Variants in ANKRD30A observed in about 807,000 individuals in gnomAD.
The protein encoded by ANKRD30A is ankyrin repeat domain-containing protein 30A.
Under a neutral mutation model 166.3 loss-of-function variants are expected in ANKRD30A, and 170 were observed. That is an observed-to-expected ratio of 1.02 (90% CI 0.90 to 1.16). ANKRD30A has a LOEUF of 1.16. ANKRD30A is among the 50% of genes most tolerant of loss of function. ANKRD30A has a pLI of 0.00. For missense variants in ANKRD30A, 1,630 were observed against 1,518.0 expected, an observed-to-expected ratio of 1.07 and a Z score of -1.23; for synonymous variants, 564 against 508.9, an observed-to-expected ratio of 1.11 and a Z score of -1.46.
At chr10:37,250,219 A>T in the ANKRD30A span, among the ~76,000 whole-genome samples, 1 of 152,150 alleles carries the variant, frequency 6.6e-6, no homozygotes, top group South Asian at 2.1e-4. Flanking sequence ...GGTAGAGCTT[A>T]TATAATAAAA....
intron 34 of ANKRD30A, 69 bp downstream of exon 34, chr10:37,219,966 G>A (rs1452894126): frequency 1.8e-6 from 2 of 1,097,644 alleles, no homozygotes; most frequent in Non-Finnish European, 1.2e-6. Context: ...ATTTGGCCTT[G>A]GCTAAATGCT....
chr10:37,198,740 GT>G, intron 29 of ANKRD30A, among the ~76,000 whole-genome samples: 1 of 152,084 alleles, frequency 6.6e-6, no homozygotes, highest in Non-Finnish European at 1.5e-5. Flanking sequence ...GTGATCACAA[GT>G]TAAATTTACT....
At chr10:37,250,123 T>C in the ANKRD30A span, among the ~76,000 whole-genome samples, 1 of 152,194 alleles carries the variant, frequency 6.6e-6, no homozygotes, top group African/African-American at 2.4e-5. Flanking sequence ...TCTTGCCCTC[T>C]GGGAGCTTGC....
At position 37,144,994 on chromosome 10, in the gene ANKRD30A, G is replaced by C; in HGVS notation, c.1394-1G>C. On this transcript the variant is annotated splice_acceptor_variant, in intron 7 of 35. Coordinates refer to ENST00000361713, the MANE Select transcript of ANKRD30A (RefSeq NM_052997.3). LOFTEE classifies it high-confidence loss of function. ...ATATATCTGTGATTAACTTTTTATA[G>C]ATCAGAGGTTCCCATCAGAATCCAA... The C allele has an allele frequency of 6.3e-7, 1 of 1,592,058 alleles. No homozygotes were observed. The highest frequency in any genetic ancestry group is 2.3e-5 in the East Asian group (1 of 44,376).
chr10:37,196,329 GT>G (rs1841103614), intron 27 of ANKRD30A, among the ~76,000 whole-genome samples: 1 of 151,908 alleles, frequency 6.6e-6, no homozygotes, highest in Non-Finnish European at 1.5e-5. Flanking sequence ...AGGTTTTTCT[GT>G]TACAATGAGG....
At chr10:37,233,286 G>A (rs548837764), downstream of ANKRD30A, among the ~76,000 whole-genome samples, 8 of 152,168 alleles carry the variant, frequency 5.3e-5, no homozygotes, top group African/African-American at 1.7e-4. Flanking sequence ...AGAGTGATAT[G>A]GTCAGGGTCT....
chr10:37,165,587 C>A (rs1451618031), intron 18 of ANKRD30A, among the ~76,000 whole-genome samples: 2 of 151,800 alleles, frequency 1.3e-5, no homozygotes, highest in African/African-American at 4.8e-5. Flanking sequence ...AAATTTAATG[C>A]CTGGGACTTG....
intron 25 of ANKRD30A, among the ~76,000 whole-genome samples, chr10:37,191,679 C>A (rs1013314111): frequency 6.6e-6 from 1 of 151,856 alleles, no homozygotes; most frequent in Non-Finnish European, 1.5e-5. Flanking sequence ...TTTTGTTCAG[C>A]GATTAGCTTG....
At chr10:37,258,611 A>G in the ANKRD30A span, among the ~76,000 whole-genome samples, 5 of 151,710 alleles carry the variant, frequency 3.3e-5, no homozygotes, top group Admixed American at 2.0e-4. Flanking sequence ...ACAAAGGTCA[A>G]TCGTAGGTGG....
chr10:37,205,371 T>C (rs1236340183), intron 31 of ANKRD30A, among the ~76,000 whole-genome samples: 1 of 150,722 alleles, frequency 6.6e-6, no homozygotes, highest in Non-Finnish European at 1.5e-5. Flanking sequence ...ACATCACATG[T>C]TCTCACCCAT....
chr10:37,143,648 C>T (rs1837307317), intron 7 of ANKRD30A, among the ~76,000 whole-genome samples: 1 of 150,344 alleles, frequency 6.7e-6, no homozygotes. Flanking sequence ...AGCAACATTC[C>T]ATCTAAAAAA....
At chr10:37,235,453 T>C (rs1242421718), downstream of ANKRD30A, among the ~76,000 whole-genome samples, 2 of 152,216 alleles carry the variant, frequency 1.3e-5, no homozygotes, top group Non-Finnish European at 2.9e-5. Context: ...TATTTGATTA[T>C]GCTACATGGG....
At chr10:37,192,067 C>T (rs1249559061) in intron 25 of ANKRD30A, among the ~76,000 whole-genome samples, 10 of 152,104 alleles carry the variant, frequency 6.6e-5, no homozygotes, top group Admixed American at 1.3e-4. Flanking sequence ...GACAGAGTCT[C>T]GCTCTGTCAT....
At chr10:37,249,916 G>A in the ANKRD30A span, among the ~76,000 whole-genome samples, 152 of 152,340 alleles carry the variant, frequency 1.0e-3, no homozygotes, top group African/African-American at 3.4e-3. Context: ...AAGGTGAGTA[G>A]TAGAAGGAAA....
At position 37,134,034 on chromosome 10, in the gene ANKRD30A, GTTAC is replaced by G. The variant is rs767256132; in HGVS notation, c.739_742del (p.Thr247ValfsTer149). On this transcript the variant is annotated frameshift_variant, in exon 5 of 36. Coordinates refer to ENST00000361713, the MANE Select transcript of ANKRD30A (RefSeq NM_052997.3). LOFTEE classifies it high-confidence loss of function. ...TGGAGTAACTGCAGAACATTATGCTGTTACTTGTGGATTTCATCAGTAAGTGTTT... is the reference window on the plus strand; with the variant it reads ...TGGAGTAACTGCAGAACATTATGCTGTTGTGGATTTCATCAGTAAGTGTTT... The G allele has an allele frequency of 3.3e-5, 53 of 1,613,722 alleles. No homozygotes were observed. The highest frequency in any genetic ancestry group is 1.2e-4 in the Admixed American group (7 of 59,964).
intron 21 of ANKRD30A, among the ~76,000 whole-genome samples, chr10:37,173,004 CTT>C (rs2132625395): frequency 6.6e-6 from 1 of 152,362 alleles, no homozygotes; most frequent in East Asian, 1.9e-4. Context: ...ATTGTGGTGA[CTT>C]AACAATATAA....
chr10:37,128,975 T>A (rs1046861213), intron 1 of ANKRD30A, among the ~76,000 whole-genome samples: 1 of 152,222 alleles, frequency 6.6e-6, no homozygotes, highest in African/African-American at 2.4e-5. Flanking sequence ...ATACATTCTG[T>A]AAATCTAAAT....
chr10:37,144,946 TATA>T (rs747174830), intron 7 of ANKRD30A, 46 bp from the exon 8 acceptor site: 1 of 1,371,148 alleles, frequency 7.3e-7, no homozygotes, highest in Admixed American at 2.1e-5. Context: ...TTTAAAAATT[TATA>T]ATAAGAAATG....
intron 19 of ANKRD30A, among the ~76,000 whole-genome samples, chr10:37,166,926 G>C (rs375750519): frequency 2.6e-5 from 4 of 152,044 alleles, no homozygotes; most frequent in Non-Finnish European, 5.9e-5. Flanking sequence ...ATTCCAAGAC[G>C]TGAGGAAAAT....
Sources: gnomAD v4.1 joint callset for allele counts (sites outside exome capture counted in the v4.1 genomes callset) on GRCh38, gnomAD v4.1.1 for gene constraint, MANE v1.5 for transcripts, NCBI Gene and HGNC (gene_info 2026-07-23, HGNC 2026-07-21) for gene names.